The following ADAMTS9 variants were observed in gnomAD, a reference collection of about 807,000 sequenced individuals.
ADAMTS9 encodes the protein A disintegrin and metalloproteinase with thrombospondin motifs 9.
A neutral mutation model predicts 257.1 loss-of-function variants in ADAMTS9; 107 were observed. The ratio of observed to expected loss-of-function variants is 0.42; its 90% CI spans 0.36 to 0.49. The LOEUF is 0.49. ADAMTS9 is among the 20% of genes least tolerant of loss of function. The pLI, the probability that ADAMTS9 is intolerant of heterozygous loss-of-function variation, is 0.03. For missense variants in ADAMTS9, 2,353 were observed against 2,469.1 expected (o/e 0.95, Z 1.00); for synonymous variants, 982 against 880.9 (o/e 1.11, Z -2.03).
chr3:64,558,281 T>C (rs1029921724), intron 30 of ADAMTS9, among the ~76,000 whole-genome samples: 11 of 152,182 alleles, frequency 7.2e-5, no homozygotes, highest in Admixed American at 4.6e-4. Context: ...TGCATGATCA[T>C]TGATAAATTA....
chr3:64,567,826 T>C (rs992959005), intron 29 of ADAMTS9, among the ~76,000 whole-genome samples: 1 of 151,822 alleles, frequency 6.6e-6, no homozygotes, highest in African/African-American at 2.4e-5. Context: ...ATAAGAGCCA[T>C]GTGTAGTAGG....
rs868429914 is a variant in ADAMTS9, at chr3:64,541,196, C to T, written c.5420G>A (p.Gly1807Glu). Reference protein sequence around the residue: ...LHNPTECPYNGSRRDDCQCRK... With the variant: ...LHNPTECPYNESRRDDCQCRK... ...ACATTGGCAGTCATCGCGCCGGCTC[C>T]CGTTATAGGGACATTCTGTTGGGTT... The change falls in exon 36 of 40, where the codon GGG (glycine) becomes GAG (glutamate). Residue 1807 changes from glycine (G) to glutamate (E), a missense_variant. By Grantham distance (98) the Gly-to-Glu change is moderately conservative. Transcript: ENST00000498707. 1.9e-6 allele frequency: 3 copies of T among 1,614,052 alleles called. No homozygotes were observed. Among genetic ancestry groups the T allele is most frequent in the Non-Finnish European group, 2.5e-6 (3 of 1,180,038 alleles).
At chr3:64,664,493 C>A (rs927013538) in intron 3 of ADAMTS9, among the ~76,000 whole-genome samples, 10 of 152,086 alleles carry the variant, frequency 6.6e-5, no homozygotes, top group Non-Finnish European at 1.3e-4. Flanking sequence ...TATGAATTTG[C>A]CTATTCTGAC....
chr3:64,627,045 G>C (rs1700240059), intron 16 of ADAMTS9, among the ~76,000 whole-genome samples: 1 of 152,204 alleles, frequency 6.6e-6, no homozygotes, highest in African/African-American at 2.4e-5. Context: ...AAATCACCCA[G>C]TTCTTTCAAA....
Position 64,643,514 on chromosome 3 carries a change from G to A in ADAMTS9, c.1711-1521C>T, listed in dbSNP as rs550594389. On this transcript the variant is annotated intron_variant, in intron 11 of 39. Coordinates refer to ENST00000498707, the MANE Select transcript of ADAMTS9 (RefSeq NM_182920.2). ...CTCACCCAGGCTGGAGTGCAGTGGT[G>A]CAATCATGGCTCACTGCAGCCTCAA... Among the ~76,000 whole-genome samples, 7 of 136,550 alleles carry A rather than the reference G, an allele frequency of 5.1e-5. 1 individual carries two copies. The highest frequency in any genetic ancestry group is 2.0e-4 in the African/African-American group (7 of 35,752). 89.6% of individuals were successfully genotyped at this position (136,550 alleles called of 152,430 possible).
At position 64,561,617 on chromosome 3, in the gene ADAMTS9, C is replaced by A. The variant is rs753989691; in HGVS notation, c.4659G>T (p.Arg1553=). Residue 1553 remains arginine (R), a synonymous_variant, in exon 30 of 40, where the codon CGG becomes CGT. Coordinates refer to ENST00000498707, the MANE Select transcript of ADAMTS9 (RefSeq NM_182920.2). ...PESERDCQGP[R]CPLYTWRAEE... ...CTGCCCTCCAAGTGTAGAGGGGACACCGTGGGCCTTGGCAGTCGCGTTCCG... is the reference window on the plus strand; with the variant it reads ...CTGCCCTCCAAGTGTAGAGGGGACAACGTGGGCCTTGGCAGTCGCGTTCCG... 3.1e-6 allele frequency: 5 copies of A among 1,613,906 alleles called. No individual in the cohort carries two copies.
At chr3:64,553,943 GT>G (rs1029364942) in intron 30 of ADAMTS9, among the ~76,000 whole-genome samples, 1 of 151,798 alleles carries the variant, frequency 6.6e-6, no homozygotes, top group African/African-American at 2.4e-5. Flanking sequence ...GCCACCGAAT[GT>G]TAAAAAAGAA....
At chr3:64,672,902 G>A (rs957700127) in intron 3 of ADAMTS9, among the ~76,000 whole-genome samples, 19 of 152,118 alleles carry the variant, frequency 1.2e-4, no homozygotes, top group Admixed American at 2.6e-4. Flanking sequence ...TCCTAAGATC[G>A]TAATACTAAA....
chr3:64,548,880 A>G lies in ADAMTS9; in HGVS notation c.4870-1928T>C, dbSNP rs563692626. Among the ~76,000 whole-genome samples the G allele has an allele frequency of 9.8e-5, 15 of 152,340 alleles. No individual in the cohort carries two copies. The South Asian group carries it at 2.7e-3, about 27-fold the overall frequency. ...TTGAAAATAACAGCAAAGCAAAACA[A>G]TAAGACTGTGGGCTCCCTGCATGAG... On this transcript the variant is annotated intron_variant, in intron 31 of 39. Coordinates refer to ENST00000498707, the MANE Select transcript of ADAMTS9 (RefSeq NM_182920.2).
chr3:64,622,879 T>A (rs74866965), intron 16 of ADAMTS9, among the ~76,000 whole-genome samples: 2,805 of 152,288 alleles, frequency 0.018, 93 homozygotes, highest in African/African-American at 0.062. Context: ...AACCTTGATC[T>A]TGTTATACAA....
chr3:64,578,072 C>A (rs1256305860), intron 28 of ADAMTS9, among the ~76,000 whole-genome samples: 2 of 152,114 alleles, frequency 1.3e-5, no homozygotes, highest in Non-Finnish European at 2.9e-5. Flanking sequence ...AATGCCAACT[C>A]CAGAACTAAG....
intron 39 of ADAMTS9, among the ~76,000 whole-genome samples, chr3:64,520,927 A>G (rs1047103900): frequency 3.3e-5 from 5 of 152,198 alleles, no homozygotes; most frequent in Admixed American, 1.3e-4. Flanking sequence ...CAAATGCAAC[A>G]AAATGAAAAT....
At chr3:64,540,732 T>G (rs1281455599) in intron 36 of ADAMTS9, among the ~76,000 whole-genome samples, 1 of 152,212 alleles carries the variant, frequency 6.6e-6, no homozygotes, top group African/African-American at 2.4e-5. Context: ...TTCAATGTCA[T>G]ATTTTCTGGA....
At chr3:64,581,281 G>A (rs1226010343) in intron 28 of ADAMTS9, among the ~76,000 whole-genome samples, 2 of 152,124 alleles carry the variant, frequency 1.3e-5, no homozygotes, top group Non-Finnish European at 2.9e-5. Flanking sequence ...AAGTGGAGAA[G>A]GTCATTCATT....
intron 3 of ADAMTS9, among the ~76,000 whole-genome samples, chr3:64,672,445 G>A (rs1701515965): frequency 6.6e-6 from 1 of 152,166 alleles, no homozygotes; most frequent in Non-Finnish European, 1.5e-5. Context: ...CATTTTGGGA[G>A]GTCACAGCAG....
At chr3:64,566,956 T>C (rs1164252768) in intron 29 of ADAMTS9, among the ~76,000 whole-genome samples, 9 of 151,896 alleles carry the variant, frequency 5.9e-5, no homozygotes, top group African/African-American at 1.7e-4. Context: ...TTGAATATGC[T>C]CCCCGAAGGA....
rs904496963 is a variant in ADAMTS9 at position 64,551,005 on chromosome 3, T to G, written c.4756A>C (p.Asn1586His). 6.2e-7 allele frequency: 1 copy of G among 1,614,168 alleles called. No homozygotes were observed. Among genetic ancestry groups the G allele is most frequent in the African/African-American group, 1.3e-5 (1 of 75,056 alleles). The stretch of plus-strand genomic sequence containing the variant: ...CGTGCCCCATGCACCTCGTTTTTGT[T>G]GTCATCCACACACACCACCTTGCGG... ...RYRKVVCVDD[N>H]KNEVHGARCD... Residue 1586 changes from asparagine (N) to histidine (H), a missense_variant, in exon 31 of 40, where the codon AAC becomes CAC. Physicochemically the swap from Asn to His is moderately conservative, Grantham distance 68 (BLOSUM62 1). Coordinates refer to ENST00000498707, the MANE Select transcript of ADAMTS9 (RefSeq NM_182920.2).
chr3:64,517,426 T>TTTTTTTG (rs2106860742), intron 39 of ADAMTS9, among the ~76,000 whole-genome samples: 1 of 128,204 alleles, frequency 7.8e-6, no homozygotes, highest in African/African-American at 2.8e-5. Context: ...GTTTTTTTTT[T>TTTTTTTG]TTTTTTTTTT....
chr3:64,645,357 G>A (rs1482224799), intron 11 of ADAMTS9, among the ~76,000 whole-genome samples: 1 of 152,102 alleles, frequency 6.6e-6, no homozygotes, highest in African/African-American at 2.4e-5. Context: ...AAATGCTAAT[G>A]GACTTAAGAG....
Sources: gnomAD v4.1 joint callset for allele counts (sites outside exome capture counted in the v4.1 genomes callset) on GRCh38, gnomAD v4.1.1 for gene constraint, MANE v1.5 for transcripts, NCBI Gene and HGNC (gene_info 2026-07-23, HGNC 2026-07-21) for gene names.